NFATC1: variants seen among roughly 807,000 people sequenced by gnomAD.
NFATC1 encodes the protein nuclear factor of activated T cells 1.
In NFATC1, 22 loss-of-function variants were observed where a neutral mutation model predicts 76.0. The observed-to-expected ratio is 0.29, with a 90% CI of 0.21 to 0.41. The LOEUF (loss-of-function observed/expected upper bound fraction) is 0.41, where lower values mean the gene tolerates loss of function less well. Ranked by LOEUF, NFATC1 falls within the 10% of genes least tolerant of loss-of-function variation. The pLI is 1.00. For synonymous variants in NFATC1, 704 were observed against 613.1 expected (o/e 1.15, Z -2.19); for missense variants, 1,357 against 1,337.7 (o/e 1.01, Z -0.23).
chr18:79,424,397 G>A (rs2086206472), intron 2 of NFATC1, among the ~76,000 whole-genome samples: 1 of 152,220 alleles, frequency 6.6e-6, no homozygotes, highest in African/African-American at 2.4e-5. Context: ...GTGTGGTCTT[G>A]GGGCAGCTCC....
intron 1 of NFATC1, among the ~76,000 whole-genome samples, chr18:79,397,095 C>T (rs1329277545): frequency 6.6e-6 from 1 of 152,102 alleles, no homozygotes; most frequent in African/African-American, 2.4e-5. Context: ...GGCGCTGAGA[C>T]CCCCCTGCGG....
At chr18:79,416,111 G>A (rs1346773063) in intron 2 of NFATC1, among the ~76,000 whole-genome samples, 3 of 152,210 alleles carry the variant, frequency 2.0e-5, no homozygotes, top group African/African-American at 7.2e-5. Flanking sequence ...GTTTTGGGCT[G>A]CAATATTGAA....
intron 7 of NFATC1, 134 bp from the exon 8 acceptor site, chr18:79,467,316 G>A (rs554361732): frequency 8.7e-5 from 70 of 806,442 alleles, no homozygotes; most frequent in African/African-American, 6.2e-4. Context: ...CGGGGTTGCC[G>A]TGTGGCCGCC....
At chr18:79,508,748 C>T (rs1413115378) in intron 9 of NFATC1, among the ~76,000 whole-genome samples, 1 of 151,666 alleles carries the variant, frequency 6.6e-6, no homozygotes, top group Admixed American at 6.6e-5. Flanking sequence ...CATCTCTCTC[C>T]GTCTCCCTCC....
In NFATC1 at chr18:79,467,601, C is replaced by A; in HGVS notation, c.2092+19C>A. 1 of 1,613,544 alleles carries A rather than the reference C, an allele frequency of 6.2e-7. No individual in the cohort carries two copies. Among genetic ancestry groups the A allele is most frequent in the Non-Finnish European group, 8.5e-7 (1 of 1,179,748 alleles). On this transcript the variant is annotated intron_variant, in intron 8 of 9. Coordinates refer to ENST00000427363, the MANE Select transcript of NFATC1 (RefSeq NM_001278669.2). The stretch of plus-strand genomic sequence containing the variant: ...GCCAACGGTAACGCCATCTTTCTAA[C>A]CGTAAGCCGTGAACATGAGCGCGTG...
At chr18:79,409,604 CATCT>C (rs2085586484) in intron 1 of NFATC1, among the ~76,000 whole-genome samples, 1 of 152,198 alleles carries the variant, frequency 6.6e-6, no homozygotes, top group Non-Finnish European at 1.5e-5. Flanking sequence ...CATCACCATC[CATCT>C]ACCTACTCTC....
At chr18:79,400,763 A>AAG (rs1284261650) in intron 1 of NFATC1, among the ~76,000 whole-genome samples, 1 of 15,336 alleles carries the variant, frequency 6.5e-5, no homozygotes, top group Non-Finnish European at 1.1e-4. Flanking sequence ...AGAGGCGGAG[A>AAG]AGCCCCAGCT....
rs1367474516 is a variant in NFATC1 at position 79,527,740 on chromosome 18, A to C, written c.*163A>C. On this transcript the variant is annotated 3_prime_UTR_variant, in exon 10 of 10. Coordinates refer to ENST00000427363, the MANE Select transcript of NFATC1 (RefSeq NM_001278669.2). ...ATGTGCAAAGATTGGCTCTCCAACA[A>C]GAAGGAAAGCAGGGAGGAAGGGAGA... is the stretch of plus-strand genomic sequence containing the variant. 1.5e-6 allele frequency: 1 copy of C among 651,476 alleles called. No homozygotes were observed. The highest frequency in any genetic ancestry group is 2.7e-6 in the Non-Finnish European group (1 of 373,580). 40.4% of individuals were successfully genotyped at this position (651,476 alleles called of 1,614,324 possible). A position where few individuals can be genotyped will look rare whatever the true frequency, so the allele number is the denominator to read the frequency against.
chr18:79,454,122 G>A (rs2087589301), intron 6 of NFATC1, among the ~76,000 whole-genome samples: 4 of 152,150 alleles, frequency 2.6e-5, no homozygotes, highest in Admixed American at 2.6e-4. Context: ...CTCAGGAGGG[G>A]AGGTTCCTGC....
rs1330084591 is a variant in NFATC1 at position 79,524,630 on chromosome 18, C to T, written c.2783-2898C>T. Among the ~76,000 whole-genome samples the T allele has an allele frequency of 5.3e-5, 8 of 152,132 alleles. No individual in the cohort carries two copies. Among genetic ancestry groups the T allele is most frequent in the African/African-American group, 1.2e-4 (5 of 41,432 alleles). ...AGGCTGCCGCTGGCTCCTTAGGCCTCGACAGCTCTCTTGAGGTCGGCCCTC... is the reference window on the plus strand; with the variant it reads ...AGGCTGCCGCTGGCTCCTTAGGCCTTGACAGCTCTCTTGAGGTCGGCCCTC... On this transcript the variant is annotated intron_variant, in intron 9 of 9. Coordinates refer to ENST00000427363, the MANE Select transcript of NFATC1 (RefSeq NM_001278669.2). This position sits in a 1 kb window ranked among gnomAD's most constrained non-coding sequence, Gnocchi z 7.2.
chr18:79,490,230 G>A (rs1057173047), intron 9 of NFATC1, among the ~76,000 whole-genome samples: 3 of 152,190 alleles, frequency 2.0e-5, no homozygotes, highest in Non-Finnish European at 4.4e-5. Flanking sequence ...GGTGGTGCAG[G>A]TGGGGTAGTG....
intron 1 of NFATC1, chr18:79,400,367 C>CACCCCG: frequency 7.0e-7 from 1 of 1,434,224 alleles, no homozygotes; most frequent in Non-Finnish European, 9.2e-7. Context: ...CCCCGGCTCC[C>CACCCCG]GCCCCGGCCC....
chr18:79,521,950 T>TAGAG (rs2090605829), intron 9 of NFATC1, among the ~76,000 whole-genome samples: 2 of 103,978 alleles, frequency 1.9e-5, no homozygotes. Context: ...GTTTTGTGTG[T>TAGAG]GGGAGGTTGT....
At chr18:79,442,608 G>A (rs1261595643) in intron 3 of NFATC1, among the ~76,000 whole-genome samples, 1 of 152,266 alleles carries the variant, frequency 6.6e-6, no homozygotes, top group African/African-American at 2.4e-5. Context: ...TCTCTGGAGT[G>A]GGGATACAAT....
chr18:79,507,381 G>A (rs79962649), intron 9 of NFATC1, among the ~76,000 whole-genome samples: 9,904 of 152,248 alleles, frequency 0.065, 419 homozygotes, highest in Admixed American at 0.098. Context: ...CCATGCGAGC[G>A]GCCGCGTAAA....
At chr18:79,413,824 G>A (rs538836851) in intron 2 of NFATC1, among the ~76,000 whole-genome samples, 1 of 152,204 alleles carries the variant, frequency 6.6e-6, no homozygotes, top group Non-Finnish European at 1.5e-5. Flanking sequence ...GTGGAGGTTG[G>A]AAAGCATGGG....
Position 79,410,905 on chromosome 18 carries a change from G to A in NFATC1, c.630G>A (p.Val210=), listed in dbSNP as rs755786250. Residue 210 remains valine, a synonymous_variant, in exon 2 of 10, where the codon GTG becomes GTA. Coordinates refer to ENST00000427363, the MANE Select transcript of NFATC1 (RefSeq NM_001278669.2). This position sits in a 1 kb window ranked among gnomAD's most constrained non-coding sequence, Gnocchi z 6.7. ...PQTSPWQSPC[V]SPKTTDPEEG... is the part of the protein sequence containing the mutation. ...CGTCGCCATGGCAGTCTCCCTGCGT[G>A]TCTCCCAAGACCACGGACCCCGAGG... 1 of 1,608,310 alleles carries A rather than the reference G, an allele frequency of 6.2e-7. No homozygotes were observed. Among genetic ancestry groups the A allele is most frequent in the Admixed American group, 1.7e-5 (1 of 59,828 alleles).
At chr18:79,412,724 A>G (rs202087121) in intron 2 of NFATC1, among the ~76,000 whole-genome samples, 2 of 152,302 alleles carry the variant, frequency 1.3e-5, no homozygotes, top group East Asian at 3.9e-4. Context: ...TGGCAAAGAA[A>G]CAGTGTTAGA....
chr18:79,527,292 G>T (rs577714185), intron 9 of NFATC1: 6 of 500,692 alleles, frequency 1.2e-5, no homozygotes, highest in Non-Finnish European at 2.2e-5. Flanking sequence ...GAGACGTGCT[G>T]GTACCGTGCT....
Sources: gnomAD v4.1 joint callset for allele counts (sites outside exome capture counted in the v4.1 genomes callset) on GRCh38, gnomAD v4.1.1 for gene constraint, Gnocchi (gnomAD v3.1) non-coding constraint, MANE v1.5 for transcripts, NCBI Gene and HGNC (gene_info 2026-07-23, HGNC 2026-07-21) for gene names.